HMCN2: variants seen among roughly 807,000 people sequenced by gnomAD.
The protein encoded by HMCN2 is hemicentin 2.
Under a neutral mutation model 377.5 loss-of-function variants are expected in HMCN2, and 325 were observed. That is an observed-to-expected ratio of 0.86 (90% confidence interval 0.79 to 0.94). The LOEUF is 0.94. Ranked by LOEUF, HMCN2 falls within the 40% of genes least tolerant of loss-of-function variation. HMCN2 has a pLI of 0.00. For missense variants in HMCN2, 4,543 were observed against 4,725.3 expected (o/e 0.96, Z 1.13); for synonymous variants, 2,007 against 2,046.8 (o/e 0.98, Z 0.53).
intron 93 of HMCN2, chr9:130,429,121 C>T (rs769031143): frequency 1.4e-4 from 26 of 189,426 alleles, no homozygotes; most frequent in Admixed American, 3.3e-4. Flanking sequence ...ACCGGGCTCT[C>T]CTGCCTGCCG....
At chr9:130,283,032 C>A (rs1835211312) in intron 1 of HMCN2, among the ~76,000 whole-genome samples, 1 of 152,178 alleles carries the variant, frequency 6.6e-6, no homozygotes, top group Non-Finnish European at 1.5e-5. Flanking sequence ...GATCATGCCA[C>A]TATACTGCAG....
At position 130,311,801 on chromosome 9, in the gene HMCN2, C is replaced by A. The variant is rs888469295; in HGVS notation, c.2350+1740C>A. The stretch of plus-strand genomic sequence containing the variant: ...GACGGCTGCCACCTGGTACCAGTCA[C>A]TCCCCGCCTGGGGAGCTGCGGAGGA... On this transcript the variant is annotated intron_variant, in intron 15 of 97. Coordinates refer to ENST00000683500, the MANE Select transcript of HMCN2 (RefSeq NM_001291815.2). Among the ~76,000 whole-genome samples the A allele has an allele frequency of 1.4e-3, 220 of 152,230 alleles. 1 individual carries two copies. The highest frequency in any genetic ancestry group is 5.2e-3 in the African/African-American group (216 of 41,552).
intron 85 of HMCN2, among the ~76,000 whole-genome samples, chr9:130,411,601 A>AC (rs1328696191): frequency 6.6e-6 from 1 of 150,408 alleles, no homozygotes; most frequent in African/African-American, 2.4e-5. Context: ...TCAATCTCAA[A>AC]AAAAAAAAAA....
chr9:130,299,128 G>T lies in HMCN2; in HGVS notation c.1116G>T (p.Leu372=). 2.1e-6 allele frequency: 1 copy of T among 471,240 alleles called. No individual in the cohort carries two copies. Among genetic ancestry groups the T allele is most frequent in the South Asian group, 1.5e-5 (1 of 64,578 alleles). The allele number at this position is 471,240 out of a possible 1,614,324, so 29.2% of individuals were successfully genotyped here. A position where few individuals can be genotyped will look rare whatever the true frequency, so the allele number is the denominator to read the frequency against. Residue 372 remains leucine (L), a synonymous_variant, in exon 8 of 98, where the codon CTG becomes CTT. Coordinates refer to ENST00000683500, the MANE Select transcript of HMCN2 (RefSeq NM_001291815.2). Reference sequence around the variant, plus strand: ...GCTCAGGGAAGCCCCTCCTGACTCTGCCCACGAAGCCCCTCTCCAATGGCT... The same window carrying T: ...GCTCAGGGAAGCCCCTCCTGACTCTTCCCACGAAGCCCCTCTCCAATGGCT... ...AQSSGKPLLT[L]PTKPLSNGST... is the part of the protein sequence containing the mutation.
chr9:130,323,876 T>A (rs1204534715), intron 19 of HMCN2, among the ~76,000 whole-genome samples: 2 of 152,144 alleles, frequency 1.3e-5, no homozygotes, highest in African/African-American at 4.8e-5. Context: ...CTAATTTTTG[T>A]ATTTTTAGTA....
intron 82 of HMCN2, chr9:130,406,571 G>T: frequency 4.6e-6 from 1 of 215,984 alleles, no homozygotes. Flanking sequence ...AGTACCTGCT[G>T]GGTACTCAAT....
chr9:130,348,224 C>G (rs570875236), intron 26 of HMCN2, among the ~76,000 whole-genome samples: 3 of 152,320 alleles, frequency 2.0e-5, no homozygotes, highest in African/African-American at 7.2e-5. Context: ...GATTCTCACT[C>G]AGGGGGACCC....
chr9:130,289,579 G>T (rs1369039216), intron 4 of HMCN2, among the ~76,000 whole-genome samples: 3 of 152,122 alleles, frequency 2.0e-5, no homozygotes, highest in African/African-American at 7.2e-5. Context: ...TGTGCAGTTG[G>T]GTTAACGAGA....
At chr9:130,412,579 T>TTTTTGTTTTAA (rs1274384843) in intron 85 of HMCN2, among the ~76,000 whole-genome samples, 2 of 150,498 alleles carry the variant, frequency 1.3e-5, no homozygotes, top group Admixed American at 6.6e-5. Flanking sequence ...TTTTTTTTTT[T>TTTTTGTTTTAA]TGTTTTAATA....
At chr9:130,431,283 G>T in intron 95 of HMCN2, 84 bp from the exon 96 acceptor site, 1 of 1,360,352 alleles carries the variant, frequency 7.4e-7, no homozygotes. Flanking sequence ...CCAGCGGGCA[G>T]GTGTGTGGCC....
chr9:130,338,899 T>G (rs1345504326), intron 23 of HMCN2, among the ~76,000 whole-genome samples: 2 of 152,218 alleles, frequency 1.3e-5, no homozygotes, highest in Admixed American at 1.3e-4. Flanking sequence ...AATTCAAATT[T>G]CAGTGTTGGC....
chr9:130,346,424 G>A (rs1237044031), intron 25 of HMCN2, among the ~76,000 whole-genome samples: 1 of 152,054 alleles, frequency 6.6e-6, no homozygotes, highest in Non-Finnish European at 1.5e-5. Flanking sequence ...AACATGGGGC[G>A]TGTCCTAGAG....
chr9:130,339,121 G>A lies in HMCN2; in HGVS notation c.3487+1100G>A, dbSNP rs958904817. ...GAAGATAGCTTGAGCCCAGGAGGTCGAGGCTGCAGTGACCTGTGATCGTGC... is the reference window on the plus strand; with the variant it reads ...GAAGATAGCTTGAGCCCAGGAGGTCAAGGCTGCAGTGACCTGTGATCGTGC... On this transcript the variant is annotated intron_variant, in intron 23 of 97. Coordinates refer to ENST00000683500, the MANE Select transcript of HMCN2 (RefSeq NM_001291815.2). 2.6e-3 allele frequency among the ~76,000 whole-genome samples: 390 copies of A among 152,306 alleles called. 1 individual carries two copies. Among genetic ancestry groups the A allele is most frequent in the African/African-American group, 8.7e-3 (360 of 41,568 alleles).
chr9:130,328,622 T>C (rs990305937), intron 22 of HMCN2, among the ~76,000 whole-genome samples: 5 of 151,912 alleles, frequency 3.3e-5, no homozygotes, highest in African/African-American at 1.2e-4. Flanking sequence ...TCTGAGAGTT[T>C]ATCTAAATAA....
chr9:130,431,503 C>A lies in HMCN2; in HGVS notation c.14767+17C>A, dbSNP rs1002386731. ...ACTGCCAGGGTGAGCCGGGCTCAGG[C>A]CGCCGCCCAAACACCCGTGGGGCTA... On this transcript the variant is annotated intron_variant, in intron 96 of 97. Transcript: ENST00000683500. 2 of 1,545,998 alleles carry A rather than the reference C, an allele frequency of 1.3e-6. No homozygotes were observed. Among genetic ancestry groups the A allele is most frequent in the African/African-American group, 2.7e-5 (2 of 73,034 alleles).
chr9:130,313,437 G>A (rs1284171236), intron 15 of HMCN2, among the ~76,000 whole-genome samples: 6 of 152,362 alleles, frequency 3.9e-5, no homozygotes, highest in African/African-American at 1.4e-4. Flanking sequence ...TCCATGCCCA[G>A]GTCCGCTGGT....
rs1308266073 is a variant in HMCN2, at chr9:130,355,057, C to T, written c.5146+13C>T. ...GTGGAGGTTCAGGGTGAGCCCGGCC[C>T]ACCCCACTCAGAGCTGCCTGGGCTG... On this transcript the variant is annotated intron_variant, in intron 32 of 97. Transcript: ENST00000683500. The T allele has an allele frequency of 2.4e-6, 3 of 1,259,948 alleles. No individual in the cohort carries two copies. The African/African-American group carries it at 4.6e-5, about 19-fold the overall frequency. 78.0% of individuals were successfully genotyped at this position (1,259,948 alleles called of 1,614,324 possible).
chr9:130,315,725 A>G (rs1463157445), intron 15 of HMCN2, among the ~76,000 whole-genome samples: 1 of 152,106 alleles, frequency 6.6e-6, no homozygotes, highest in Non-Finnish European at 1.5e-5. Flanking sequence ...GAAGCCGACC[A>G]TCAGGCTGCT....
intron 47 of HMCN2, among the ~76,000 whole-genome samples, chr9:130,372,832 GTCT>G (rs1841102064): frequency 1.3e-5 from 2 of 152,314 alleles, no homozygotes; most frequent in African/African-American, 4.8e-5. Context: ...TCTCATCAGA[GTCT>G]TCTTCTGAGA....
Sources: allele counts gnomAD v4.1 joint callset (sites outside exome capture counted in the v4.1 genomes callset), GRCh38; gene constraint gnomAD v4.1.1; transcripts MANE v1.5; gene names NCBI Gene and HGNC (gene_info 2026-07-23, HGNC 2026-07-21).